The following CELSR1 variants were observed in gnomAD, a reference collection of about 807,000 sequenced individuals.
CELSR1 encodes the protein adhesion G protein-coupled receptor C1.
CELSR1 carries 110 observed loss-of-function variants against 249.1 expected under a neutral mutation model. That is an observed-to-expected ratio of 0.44 (90% CI 0.38 to 0.52). CELSR1 has a LOEUF of 0.52. Ranked by LOEUF, CELSR1 falls within the 20% of genes least tolerant of loss-of-function variation. CELSR1 has a pLI of 0.00. For synonymous variants in CELSR1, 2,113 were observed against 1,900.0 expected, an observed-to-expected ratio of 1.11 and a Z score of -2.92; for missense variants, 4,109 against 4,296.4, an observed-to-expected ratio of 0.96 and a Z score of 1.22.
chr22:46,366,902 C>T (rs766327846), intron 29 of CELSR1, 91 bp downstream of exon 29: 17 of 1,488,188 alleles, frequency 1.1e-5, no homozygotes, highest in African/African-American at 4.2e-5. Flanking sequence ...GCATACGGGC[C>T]GCAGGACTGG....
rs2079153121 is a variant in CELSR1, at chr22:46,396,821, T to C, written c.5702-75A>G. 3 of 1,539,556 alleles carry C rather than the reference T, an allele frequency of 1.9e-6. No individual in the cohort carries two copies. The highest frequency in any genetic ancestry group is 2.7e-5 in the African/African-American group (2 of 72,952). On this transcript the variant is annotated intron_variant, in intron 12 of 34. Coordinates refer to ENST00000674500, the MANE Select transcript of CELSR1 (RefSeq NM_001378328.1). This position sits in a 1 kb window ranked among gnomAD's most constrained non-coding sequence, Gnocchi z 6.4. Reference sequence around the variant, plus strand: ...CCACGTTAAAATATCTGGAGCAACCTGTCCCCTCCAGAAGATCTGACTTTC... The same window carrying C: ...CCACGTTAAAATATCTGGAGCAACCCGTCCCCTCCAGAAGATCTGACTTTC...
At position 46,410,786 on chromosome 22, in the gene CELSR1, C is replaced by T. The variant is rs1266904273; in HGVS notation, c.4770-225G>A. On this transcript the variant is annotated intron_variant, in intron 6 of 34. Coordinates refer to ENST00000674500, the MANE Select transcript of CELSR1 (RefSeq NM_001378328.1). The surrounding 1 kb of genome is among the most constrained non-coding windows in gnomAD (Gnocchi z 6.8). ...CAGTCCTGACGATCTGGGTGTTTCA[C>T]GCTCACCAGTGACCACCAAGCCCCG... Among the ~76,000 whole-genome samples the T allele has an allele frequency of 2.6e-5, 4 of 152,016 alleles. No homozygotes were observed. The highest frequency in any genetic ancestry group is 4.4e-5 in the Non-Finnish European group (3 of 68,024).
At chr22:46,375,407 G>T (rs143653191) in intron 24 of CELSR1, among the ~76,000 whole-genome samples, 1 of 152,118 alleles carries the variant, frequency 6.6e-6, no homozygotes, top group Non-Finnish European at 1.5e-5. Flanking sequence ...TCCATAACCG[G>T]TTGGTCCTGT....
rs2079351456 is a variant in CELSR1, at chr22:46,412,615, G to A, written c.4612-856C>T. Among the ~76,000 whole-genome samples, 1 of 152,152 alleles carries A rather than the reference G, an allele frequency of 6.6e-6. No individual in the cohort carries two copies. Among genetic ancestry groups the A allele is most frequent in the African/African-American group, 2.4e-5 (1 of 41,430 alleles). On this transcript the variant is annotated intron_variant, in intron 5 of 34. Coordinates refer to ENST00000674500, the MANE Select transcript of CELSR1 (RefSeq NM_001378328.1). This position sits in a 1 kb window ranked among gnomAD's most constrained non-coding sequence, Gnocchi z 4.5. ...AGACTGTGGTTTGCCATCCGGGGAC[G>A]AGCCCACTTTCCCCAGACAGCCCTC...
chr22:46,496,213 AAAAAAT>A (rs1204574242), intron 1 of CELSR1, among the ~76,000 whole-genome samples: 1 of 151,472 alleles, frequency 6.6e-6, no homozygotes, highest in South Asian at 2.1e-4. Context: ...AAAAAAAAAA[AAAAAAT>A]TGACTCTTTT....
At chr22:46,521,860 T>C (rs1198579128) in intron 1 of CELSR1, among the ~76,000 whole-genome samples, 3 of 152,196 alleles carry the variant, frequency 2.0e-5, no homozygotes, top group African/African-American at 7.2e-5. Flanking sequence ...AATTAGAGCA[T>C]ACCCAGAAGC....
intron 5 of CELSR1, among the ~76,000 whole-genome samples, chr22:46,415,917 AAAGG>A (rs1312800245): frequency 2.0e-5 from 3 of 152,210 alleles, no homozygotes; most frequent in Admixed American, 6.5e-5. Context: ...CATTTTTGTC[AAAGG>A]AAGACAAAGT....
intron 3 of CELSR1, among the ~76,000 whole-genome samples, chr22:46,438,022 G>A (rs768825754): frequency 2.6e-5 from 4 of 152,170 alleles, no homozygotes; most frequent in African/African-American, 4.8e-5. Flanking sequence ...GTGGGGGCTG[G>A]TGGGCGGTGT....
At chr22:46,530,597 C>T (rs2080781697) in intron 1 of CELSR1, 1 of 152,142 alleles carries the variant, frequency 6.6e-6, no homozygotes, top group Non-Finnish European at 1.5e-5. Flanking sequence ...AAAAAATGAA[C>T]ATCTTGTATC....
intron 28 of CELSR1, 58 bp from the exon 29 acceptor site, chr22:46,367,176 A>C: frequency 6.3e-7 from 1 of 1,578,638 alleles, no homozygotes; most frequent in Non-Finnish European, 8.6e-7. Context: ...ACCTGCCCTT[A>C]GGCGCCCCAG....
At chr22:46,365,437 C>T (rs953637527) in intron 31 of CELSR1, 57 bp from the exon 32 acceptor site, 34 of 1,596,578 alleles carry the variant, frequency 2.1e-5, no homozygotes, top group African/African-American at 1.2e-4. Context: ...GGAGTCCCAC[C>T]GAGGGCCAAG....
intron 1 of CELSR1, among the ~76,000 whole-genome samples, chr22:46,469,904 T>C (rs7289826): frequency 0.59 from 55,610 of 93,730 alleles, 13,315 homozygotes; most frequent in South Asian, 0.65. Flanking sequence ...TCCTGCTGCA[T>C]CCGTCACATC....
rs1297450339 is a variant in CELSR1 at position 46,440,542 on chromosome 22, A to G, written c.4184-1131T>C. ...AATATTTTGCATCTCTGACAAATGGATCTCAACGATCTTTTCATTTGCATT... is the reference window on the plus strand; with the variant it reads ...AATATTTTGCATCTCTGACAAATGGGTCTCAACGATCTTTTCATTTGCATT... On this transcript the variant is annotated intron_variant, in intron 2 of 34. Coordinates refer to ENST00000674500, the MANE Select transcript of CELSR1 (RefSeq NM_001378328.1). This position sits in a 1 kb window ranked among gnomAD's most constrained non-coding sequence, Gnocchi z 4.7. 6.6e-6 allele frequency among the ~76,000 whole-genome samples: 1 copy of G among 152,202 alleles called. No homozygotes were observed. Among genetic ancestry groups the G allele is most frequent in the Non-Finnish European group, 1.5e-5 (1 of 68,046 alleles).
In CELSR1 at chr22:46,393,215, C is replaced by G. The variant is rs966820116; in HGVS notation, c.5964+927G>C. 1.3e-5 allele frequency among the ~76,000 whole-genome samples: 2 copies of G among 152,160 alleles called. No individual in the cohort carries two copies. Among genetic ancestry groups the G allele is most frequent in the African/African-American group, 4.8e-5 (2 of 41,430 alleles). ...TTTCAAGTCACTGTGAGCGCCATGGCCGTGGTGTACACGAAGATCCTGAAG... is the reference window on the plus strand; with the variant it reads ...TTTCAAGTCACTGTGAGCGCCATGGGCGTGGTGTACACGAAGATCCTGAAG... On this transcript the variant is annotated intron_variant, in intron 14 of 34. Coordinates refer to ENST00000674500, the MANE Select transcript of CELSR1 (RefSeq NM_001378328.1). This position sits in a 1 kb window ranked among gnomAD's most constrained non-coding sequence, Gnocchi z 4.1.
At position 46,535,641 on chromosome 22, in the gene CELSR1, G is replaced by C. The variant is rs746354617; in HGVS notation, c.1530C>G (p.His510Gln). 7.4e-6 allele frequency: 12 copies of C among 1,613,282 alleles called. No homozygotes were observed. Among genetic ancestry groups the C allele is most frequent in the South Asian group, 1.1e-5 (1 of 91,088 alleles). Residue 510 changes from histidine (H) to glutamine (Q), a missense_variant, in exon 1 of 35, where the codon CAC becomes CAG. Coordinates refer to ENST00000674500, the MANE Select transcript of CELSR1 (RefSeq NM_001378328.1). ...SGNVAGQFYL[H>Q]SLSGILDVIN... ...TCACATCCAGGATCCCGCTCAGCGA[G>C]TGCAGGTAGAACTGGCCGGCCACGT... is the stretch of plus-strand genomic sequence containing the variant.
chr22:46,464,161 G>A lies in CELSR1; in HGVS notation c.3729C>T (p.Phe1243=), dbSNP rs568671362. Residue 1243 remains phenylalanine, a synonymous_variant, in exon 2 of 35, where the codon TTC becomes TTT. Coordinates refer to ENST00000674500, the MANE Select transcript of CELSR1 (RefSeq NM_001378328.1). The surrounding 1 kb of genome is among the most constrained non-coding windows in gnomAD (Gnocchi z 8.5). ...AVLSTTKDDV[F]VFNVQNDTDV... is the part of the protein sequence containing the mutation. ...CGGTGTCGTTCTGGACGTTGAAGAC[G>A]AAGACGTCGTCCTTGGTGGTGGACA... The A allele has an allele frequency of 1.5e-5, 24 of 1,613,798 alleles. No homozygotes were observed. The highest frequency in any genetic ancestry group is 1.1e-4 in the East Asian group (5 of 44,882).
chr22:46,387,510 C>G (rs2079045148), intron 18 of CELSR1, among the ~76,000 whole-genome samples: 1 of 144,748 alleles, frequency 6.9e-6, no homozygotes, highest in Non-Finnish European at 1.5e-5. Flanking sequence ...CCTCCCACCA[C>G]CCCGCCCAGC....
At position 46,363,553 on chromosome 22, in the gene CELSR1, T is replaced by G; in HGVS notation, c.9036-306A>C. ...GCATTCTGAAGACCTGGCTTCTCCC[T>G]TGTGAGTTTGGAGGGAGGGAGGGGC... On this transcript the variant is annotated intron_variant, in intron 34 of 34. Transcript: ENST00000674500. This position sits in a 1 kb window ranked among gnomAD's most constrained non-coding sequence, Gnocchi z 4.3. 5.6e-6 allele frequency: 2 copies of G among 354,994 alleles called. No homozygotes were observed. Among genetic ancestry groups the G allele is most frequent in the South Asian group, 8.1e-5 (2 of 24,624 alleles). 22.0% of individuals were successfully genotyped at this position (354,994 alleles called of 1,614,324 possible).
At chr22:46,386,305 G>T (rs1027530870) in intron 19 of CELSR1, 97 bp downstream of exon 19, 3 of 1,323,938 alleles carry the variant, frequency 2.3e-6, no homozygotes, top group Non-Finnish European at 3.0e-6. Flanking sequence ...GCCAAGGGGG[G>T]GCCGGGAGCC....
Sources: allele counts gnomAD v4.1 joint callset (sites outside exome capture counted in the v4.1 genomes callset), GRCh38; gene constraint gnomAD v4.1.1; non-coding constraint Gnocchi (gnomAD v3.1); transcripts MANE v1.5; gene names NCBI Gene and HGNC (gene_info 2026-07-23, HGNC 2026-07-21).